POU2F2: variants seen among roughly 807,000 people sequenced by gnomAD.
The protein encoded by POU2F2 is POU domain, class 2, transcription factor 2.
A neutral mutation model predicts 63.5 loss-of-function variants in POU2F2; 14 were observed. That is an observed-to-expected ratio of 0.22 (90% confidence interval 0.15 to 0.34). POU2F2 has a LOEUF of 0.34. POU2F2 is among the 10% of genes least tolerant of loss of function. The pLI is 1.00. For missense variants in POU2F2, 607 were observed against 815.2 expected, an observed-to-expected ratio of 0.74 and a Z score of 3.11; for synonymous variants, 306 against 348.6, an observed-to-expected ratio of 0.88 and a Z score of 1.36.
intron 4 of POU2F2, among the ~76,000 whole-genome samples, chr19:42,119,437 C>G (rs1275120044): frequency 6.6e-6 from 1 of 152,190 alleles, no homozygotes; most frequent in African/African-American, 2.4e-5. Flanking sequence ...ACTTTGGGAG[C>G]CAAGGTGGGA....
rs2076871464 is a variant in POU2F2, at chr19:42,095,194, C to T, written c.1197+92G>A. 1.4e-6 allele frequency: 2 copies of T among 1,427,286 alleles called. No individual in the cohort carries two copies. Among genetic ancestry groups the T allele is most frequent in the African/African-American group, 1.4e-5 (1 of 70,276 alleles). The allele number at this position is 1,427,286 out of a possible 1,614,324, so 88.4% of individuals were successfully genotyped here. On this transcript the variant is annotated intron_variant, in intron 11 of 14. Coordinates refer to ENST00000692977, the MANE Select transcript of POU2F2 (RefSeq NM_001394376.1). The surrounding 1 kb of genome is among the most constrained non-coding windows in gnomAD (Gnocchi z 7.1). ...AAGAGTGACTCTTCTTGTCTCTGTT[C>T]TAGGCTCTGTGGACAACCAGGTAGG...
At chr19:42,106,023 C>CTTTA (rs1192886226) in intron 5 of POU2F2, among the ~76,000 whole-genome samples, 3 of 141,684 alleles carry the variant, frequency 2.1e-5, no homozygotes, top group Non-Finnish European at 3.0e-5. Context: ...TTCTTTCTTT[C>CTTTA]TTTCTTTCTT....
At chr19:42,110,679 C>T (rs1487657042) in intron 5 of POU2F2, 1 of 454,582 alleles carries the variant, frequency 2.2e-6, no homozygotes, top group Admixed American at 2.4e-5. Context: ...CTGCCCCTCA[C>T]ACACCTCAGG....
intron 2 of POU2F2, among the ~76,000 whole-genome samples, chr19:42,142,614 G>A (rs1327380416): frequency 6.6e-6 from 1 of 151,994 alleles, no homozygotes; most frequent in Non-Finnish European, 1.5e-5. Flanking sequence ...CAACCAGGCT[G>A]GAGTACAGTG....
rs1164362587 is a variant in POU2F2, at chr19:42,095,251, G to T, written c.1197+35C>A. ...TTCACACAGGTGCCTGCGGAGCTCTGTGGTCTCCCCACCCCCCAGGCGGGC... is the reference window on the plus strand; with the variant it reads ...TTCACACAGGTGCCTGCGGAGCTCTTTGGTCTCCCCACCCCCCAGGCGGGC... On this transcript the variant is annotated intron_variant, in intron 11 of 14. Transcript: ENST00000692977. The surrounding 1 kb of genome is among the most constrained non-coding windows in gnomAD (Gnocchi z 7.1). 18 of 1,594,150 alleles carry T rather than the reference G, an allele frequency of 1.1e-5. No individual in the cohort carries two copies. Among genetic ancestry groups the T allele is most frequent in the Non-Finnish European group, 1.5e-5 (17 of 1,172,194 alleles).
chr19:42,126,955 C>T (rs922212595), intron 1 of POU2F2, among the ~76,000 whole-genome samples: 23 of 152,010 alleles, frequency 1.5e-4, no homozygotes, highest in Admixed American at 5.2e-4. Context: ...CTTGCTCTGT[C>T]GGCCAGGCTG....
At chr19:42,128,442 C>T (rs1404291162) in intron 1 of POU2F2, among the ~76,000 whole-genome samples, 1 of 152,184 alleles carries the variant, frequency 6.6e-6, no homozygotes, top group Non-Finnish European at 1.5e-5. Context: ...TCCTACATAT[C>T]CCTGCATACT....
intron 1 of POU2F2, among the ~76,000 whole-genome samples, chr19:42,188,425 C>T (rs1205446801): frequency 1.3e-5 from 2 of 150,722 alleles, no homozygotes; most frequent in African/African-American, 4.9e-5. Flanking sequence ...AATCCCAACA[C>T]TTTGGGAGGC....
intron 2 of POU2F2, among the ~76,000 whole-genome samples, chr19:42,138,400 G>A (rs1339699017): frequency 6.6e-6 from 1 of 152,100 alleles, no homozygotes. Flanking sequence ...TGAAAGGAAG[G>A]GCAGGAGGTG....
intron 2 of POU2F2, among the ~76,000 whole-genome samples, chr19:42,145,082 T>C (rs1302742201): frequency 1.3e-5 from 2 of 152,266 alleles, no homozygotes; most frequent in African/African-American, 4.8e-5. Context: ...ACAAAATGTG[T>C]ATTTTTTACT....
chr19:42,104,574 C>A (rs1456116715), intron 5 of POU2F2, among the ~76,000 whole-genome samples: 1 of 152,062 alleles, frequency 6.6e-6, no homozygotes, highest in Non-Finnish European at 1.5e-5. Context: ...ATGGAACAAT[C>A]TGCAGGATGT....
In POU2F2 at chr19:42,091,094, CTTT is replaced by C. The variant is rs60030513; in HGVS notation, c.*160_*162del. ...TCTCTTTTGTTGGTTAGTTTCTTTC[CTTT>C]TTTTTTTTTTTTTTGGTTGGTTGTT... is the stretch of plus-strand genomic sequence containing the variant. On this transcript the variant is annotated 3_prime_UTR_variant, in exon 15 of 15. Coordinates refer to ENST00000692977, the MANE Select transcript of POU2F2 (RefSeq NM_001394376.1). 4,075 of 353,456 alleles carry C rather than the reference CTTT, an allele frequency of 0.012. No individual in the cohort carries two copies. The highest frequency in any genetic ancestry group is 0.017 in the Middle Eastern group (22 of 1,284). 21.9% of individuals were successfully genotyped at this position (353,456 alleles called of 1,614,324 possible).
At chr19:42,093,079 C>A (rs1316432986) in intron 12 of POU2F2, among the ~76,000 whole-genome samples, 1 of 133,110 alleles carries the variant, frequency 7.5e-6, no homozygotes, top group East Asian at 2.3e-4. Context: ...GGTGTGATCT[C>A]AGTTCACTGC....
At chr19:42,126,582 C>T (rs1003161034) in intron 1 of POU2F2, among the ~76,000 whole-genome samples, 5 of 152,190 alleles carry the variant, frequency 3.3e-5, no homozygotes, top group African/African-American at 1.2e-4. Flanking sequence ...CTGCTGACAT[C>T]CTCGTCTTTA....
At chr19:42,121,764 C>T (rs1365661098) in intron 4 of POU2F2, among the ~76,000 whole-genome samples, 1 of 152,214 alleles carries the variant, frequency 6.6e-6, no homozygotes, top group Non-Finnish European at 1.5e-5. Context: ...TCAACTGGTA[C>T]CAGCCCCCCC....
chr19:42,104,137 G>T (rs763863320), intron 5 of POU2F2, among the ~76,000 whole-genome samples: 6 of 152,088 alleles, frequency 3.9e-5, no homozygotes, highest in Non-Finnish European at 8.8e-5. Context: ...AGATTCACTC[G>T]CAATAAGATA....
chr19:42,168,095 G>A (rs1198825086), intron 1 of POU2F2, among the ~76,000 whole-genome samples: 6 of 152,196 alleles, frequency 3.9e-5, no homozygotes, highest in African/African-American at 1.4e-4. Flanking sequence ...CAGTGGCCAA[G>A]ATATGGGGCT....
chr19:42,195,468 A>G (rs2035132693), intron 1 of POU2F2, among the ~76,000 whole-genome samples: 1 of 149,900 alleles, frequency 6.7e-6, no homozygotes, highest in South Asian at 2.1e-4. Context: ...CAGTACCTGG[A>G]ACTACAGGCG....
chr19:42,157,650 T>C (rs1207917864), intron 2 of POU2F2: 1 of 152,278 alleles, frequency 6.6e-6, no homozygotes, highest in African/African-American at 2.4e-5. Context: ...CAGAGGCTTC[T>C]GAGAGCAGAC....
Sources: gnomAD v4.1 joint callset for allele counts (sites outside exome capture counted in the v4.1 genomes callset) on GRCh38, gnomAD v4.1.1 for gene constraint, Gnocchi (gnomAD v3.1) non-coding constraint, MANE v1.5 for transcripts, NCBI Gene and HGNC (gene_info 2026-07-23, HGNC 2026-07-21) for gene names.